ACTR1A: variants seen among roughly 807,000 people sequenced by gnomAD.
ACTR1A encodes alpha-centractin.
A neutral mutation model predicts 50.7 loss-of-function variants in ACTR1A; 10 were observed. The ratio of observed to expected loss-of-function variants is 0.20; its 90% CI spans 0.12 to 0.33. The LOEUF (loss-of-function observed/expected upper bound fraction) is 0.33, where lower values mean the gene tolerates loss of function less well. Ranked by LOEUF, ACTR1A falls within the 10% of genes least tolerant of loss-of-function variation. ACTR1A has a pLI of 1.00. For missense variants in ACTR1A, 253 were observed against 491.7 expected (o/e 0.51, Z 4.59); for synonymous variants, 177 against 184.2 (o/e 0.96, Z 0.32).
rs757847436 is a variant in ACTR1A, at chr10:102,502,663, C to T, written c.-16G>A. ...AGGACTCCATGGCAGAGGAATCTCT[C>T]CTTCTGGGGAAGGAACTGCCCAGCC... On this transcript the variant is annotated 5_prime_UTR_variant, in exon 1 of 11. Transcript: ENST00000369905. 6 of 1,614,194 alleles carry T rather than the reference C, an allele frequency of 3.7e-6. No individual in the cohort carries two copies. The highest frequency in any genetic ancestry group is 5.1e-6 in the Non-Finnish European group (6 of 1,179,974).
In ACTR1A at chr10:102,480,798, G is replaced by T; in HGVS notation, c.*65C>A. The T allele has an allele frequency of 7.5e-7, 1 of 1,337,290 alleles. No homozygotes were observed. The highest frequency in any genetic ancestry group is 1.2e-5 in the South Asian group (1 of 85,400). The allele number at this position is 1,337,290 out of a possible 1,614,324, so 82.8% of individuals were successfully genotyped here. On this transcript the variant is annotated 3_prime_UTR_variant, in exon 11 of 11. Coordinates refer to ENST00000369905, the MANE Select transcript of ACTR1A (RefSeq NM_005736.4). The stretch of plus-strand genomic sequence containing the variant: ...ACAGGCAGTTCCTCGCAAACACTCC[G>T]ACTCAAGAAAGCGAGTTTTAAAGTG...
intron 1 of ACTR1A, among the ~76,000 whole-genome samples, chr10:102,492,888 C>T (rs1232598948): frequency 6.6e-6 from 1 of 150,776 alleles, no homozygotes; most frequent in East Asian, 2.0e-4. Flanking sequence ...GTAATCCCAG[C>T]TACTCAGGGA....
At position 102,482,853 on chromosome 10, in the gene ACTR1A, A is replaced by T. The variant is rs552086529; in HGVS notation, c.750+158T>A. 9 of 654,900 alleles carry T rather than the reference A, an allele frequency of 1.4e-5. No individual in the cohort carries two copies. In the African/African-American group the frequency reaches 1.6e-4, roughly 12 times the overall value. 40.6% of individuals were successfully genotyped at this position (654,900 alleles called of 1,614,324 possible). ...CGACTTTGTGTTGGGCCTTACTGAA[A>T]GCCATCCTGGGCCACGTGCAGCCCA... On this transcript the variant is annotated intron_variant, in intron 7 of 10. Transcript: ENST00000369905. This position sits in a 1 kb window ranked among gnomAD's most constrained non-coding sequence, Gnocchi z 5.6.
intron 4 of ACTR1A, among the ~76,000 whole-genome samples, chr10:102,485,995 C>T (rs1852586076): frequency 2.0e-5 from 3 of 152,332 alleles, no homozygotes; most frequent in South Asian, 2.1e-4. Context: ...GATTGTTATA[C>T]AGGCCCCTGT....
chr10:102,492,742 C>T (rs1229417827), intron 1 of ACTR1A, among the ~76,000 whole-genome samples: 1 of 152,120 alleles, frequency 6.6e-6, no homozygotes, highest in African/African-American at 2.4e-5. Context: ...TGGCTCACGC[C>T]TGTAATCCCA....
At chr10:102,481,729 C>T in intron 9 of ACTR1A, 108 bp downstream of exon 9, 1 of 1,333,572 alleles carries the variant, frequency 7.5e-7, no homozygotes, top group Non-Finnish European at 1.1e-6. Context: ...GCTTGTAGAG[C>T]CATGGCTGCT....
chr10:102,501,552 C>T (rs1362550795), intron 1 of ACTR1A, among the ~76,000 whole-genome samples: 1 of 152,150 alleles, frequency 6.6e-6, no homozygotes, highest in Non-Finnish European at 1.5e-5. Context: ...TCTCCTTTCC[C>T]CCCAAAATAA....
At position 102,479,820 on chromosome 10, in the gene ACTR1A, C is replaced by A. The variant is rs1265103056; in HGVS notation, c.*1043G>T. The A allele has an allele frequency of 6.1e-6, 3 of 489,528 alleles. No homozygotes were observed. The highest frequency in any genetic ancestry group is 9.9e-6 in the Non-Finnish European group (3 of 303,394). 30.3% of individuals were successfully genotyped at this position (489,528 alleles called of 1,614,324 possible). ...CTCTGCCAAAGAAAAATTTTACCTC[C>A]TGTTTCAGAAAATCTAACCAGCAAC... On this transcript the variant is annotated 3_prime_UTR_variant, in exon 11 of 11. Coordinates refer to ENST00000369905, the MANE Select transcript of ACTR1A (RefSeq NM_005736.4). This position sits in a 1 kb window ranked among gnomAD's most constrained non-coding sequence, Gnocchi z 4.0.
chr10:102,501,003 T>A (rs2062248241), intron 1 of ACTR1A, among the ~76,000 whole-genome samples: 1 of 145,548 alleles, frequency 6.9e-6, no homozygotes, highest in Non-Finnish European at 1.5e-5. Flanking sequence ...CCCAGGAGGT[T>A]GAGGCTGCAG....
intron 1 of ACTR1A, among the ~76,000 whole-genome samples, chr10:102,491,852 G>A (rs536099873): frequency 4.5e-4 from 68 of 151,844 alleles, no homozygotes; most frequent in Admixed American, 6.6e-4. Context: ...TGCAAGCTCT[G>A]CCTCCCAGGT....
intron 2 of ACTR1A, among the ~76,000 whole-genome samples, chr10:102,489,383 GTATT>G (rs1377801402): frequency 6.6e-6 from 1 of 151,848 alleles, no homozygotes; most frequent in Non-Finnish European, 1.5e-5. Flanking sequence ...AATTTTTAGA[GTATT>G]TAATACCTCT....
intron 4 of ACTR1A, among the ~76,000 whole-genome samples, chr10:102,487,338 C>T (rs1212515842): frequency 1.3e-5 from 2 of 151,950 alleles, no homozygotes; most frequent in East Asian, 1.9e-4. Context: ...CATTTGAATC[C>T]GGGAGGCAGA....
rs776440159 is a variant in ACTR1A, at chr10:102,482,183, T to C, written c.751-8A>G. On this transcript the variant is annotated splice_polypyrimidine_tract_variant and splice_region_variant and intron_variant, in intron 7 of 10. Coordinates refer to ENST00000369905, the MANE Select transcript of ACTR1A (RefSeq NM_005736.4). This position sits in a 1 kb window ranked among gnomAD's most constrained non-coding sequence, Gnocchi z 5.6. Reference sequence around the variant, plus strand: ...GAATCGGGAAGGACCAATCTGCAGGTAGGAGGGCCAGCTGAAGAGGTCGGA... The same window carrying C: ...GAATCGGGAAGGACCAATCTGCAGGCAGGAGGGCCAGCTGAAGAGGTCGGA... 2.5e-6 allele frequency: 4 copies of C among 1,610,410 alleles called. No homozygotes were observed. In the South Asian group the frequency reaches 4.4e-5, roughly 18 times the overall value.
chr10:102,484,604 A>G (rs1032705987), intron 5 of ACTR1A, among the ~76,000 whole-genome samples: 1 of 152,196 alleles, frequency 6.6e-6, no homozygotes, highest in African/African-American at 2.4e-5. Flanking sequence ...TACCCAGAAG[A>G]GCAGGCCTTC....
intron 2 of ACTR1A, among the ~76,000 whole-genome samples, chr10:102,489,762 C>T (rs566264887): frequency 2.6e-5 from 4 of 152,210 alleles, no homozygotes; most frequent in South Asian, 4.1e-4. Context: ...TGCAGTGAGC[C>T]GAGATTGCGC....
At chr10:102,498,337 TA>T (rs34581959) in intron 1 of ACTR1A, among the ~76,000 whole-genome samples, 366 of 149,680 alleles carry the variant, frequency 2.4e-3, no homozygotes, top group Non-Finnish European at 3.9e-3. Flanking sequence ...TTTTTTTTTT[TA>T]AAGGGGGCTG....
Position 102,501,737 on chromosome 10 carries a change from C to T in ACTR1A, c.48+863G>A, listed in dbSNP as rs533934039. ...ATCGGTAACACGAAGATCAAAGTTC[C>T]TTTTAAACTATGCGTCCAGTTTTTG... On this transcript the variant is annotated intron_variant, in intron 1 of 10. Coordinates refer to ENST00000369905, the MANE Select transcript of ACTR1A (RefSeq NM_005736.4). 2.0e-5 allele frequency among the ~76,000 whole-genome samples: 3 copies of T among 152,304 alleles called. No homozygotes were observed. In the East Asian group the frequency reaches 5.8e-4, roughly 29 times the overall value.
chr10:102,488,357 G>A lies in ACTR1A; in HGVS notation c.190-82C>T. 1 of 1,559,020 alleles carries A rather than the reference G, an allele frequency of 6.4e-7. No homozygotes were observed. The highest frequency in any genetic ancestry group is 1.4e-5 in the African/African-American group (1 of 74,072). On this transcript the variant is annotated intron_variant, in intron 3 of 10. Coordinates refer to ENST00000369905, the MANE Select transcript of ACTR1A (RefSeq NM_005736.4). The surrounding 1 kb of genome is among the most constrained non-coding windows in gnomAD (Gnocchi z 4.4). ...CTCCCAAGACTAAGCAGTGCAAGCT[G>A]AATCCCTTGCAAAGAAGCCTCAGCT...
chr10:102,481,251 C>T, intron 9 of ACTR1A, 79 bp from the exon 10 acceptor site: 1 of 1,433,052 alleles, frequency 7.0e-7, no homozygotes, highest in African/African-American at 1.4e-5. Flanking sequence ...TCTTTCTGCC[C>T]ATGGCAGGGG....
Sources: gnomAD v4.1 joint callset for allele counts (sites outside exome capture counted in the v4.1 genomes callset) on GRCh38, gnomAD v4.1.1 for gene constraint, Gnocchi (gnomAD v3.1) non-coding constraint, MANE v1.5 for transcripts, NCBI Gene and HGNC (gene_info 2026-07-23, HGNC 2026-07-21) for gene names.